Variants in GRIK2 observed in about 807,000 individuals in gnomAD.
GRIK2 encodes glutamate ionotropic receptor kainate type subunit 2, also known as glutamate receptor ionotropic, kainate 2.
Under a neutral mutation model 100.3 loss-of-function variants are expected in GRIK2, and 32 were observed. That is an observed-to-expected ratio of 0.32 (90% CI 0.24 to 0.43). The LOEUF (loss-of-function observed/expected upper bound fraction) is 0.43. Among genes scored for constraint, GRIK2 ranks in the 20% least tolerant of loss-of-function variants. The probability of loss-of-function intolerance (pLI) is 1.00; values close to 1 mark genes in which losing one functional copy is unlikely to be tolerated. For missense variants in GRIK2, 843 were observed against 1,114.9 expected (o/e 0.76, Z 3.47); for synonymous variants, 417 against 389.4 (o/e 1.07, Z -0.83).
intron 14 of GRIK2, among the ~76,000 whole-genome samples, chr6:102,005,257 C>T (rs893621966): frequency 6.7e-6 from 1 of 150,160 alleles, no homozygotes; most frequent in Non-Finnish European, 1.5e-5. Context: ...TAAATATTCA[C>T]AATATGAGAC....
intron 12 of GRIK2, among the ~76,000 whole-genome samples, chr6:101,910,257 G>A (rs1007337583): frequency 6.6e-6 from 1 of 151,036 alleles, no homozygotes; most frequent in Non-Finnish European, 1.5e-5. Context: ...ACTATTATCT[G>A]CAAGTTAAAA....
chr6:101,799,491 AG>A (rs1371074248), intron 7 of GRIK2, among the ~76,000 whole-genome samples, 156 bp from the exon 8 acceptor site: 2 of 152,264 alleles, frequency 1.3e-5, no homozygotes, highest in East Asian at 1.9e-4. Flanking sequence ...CTTGTTTAAG[AG>A]AACGAGAGCA....
chr6:101,649,568 A>C (rs1014564052), intron 4 of GRIK2, among the ~76,000 whole-genome samples: 5 of 152,160 alleles, frequency 3.3e-5, no homozygotes, highest in Non-Finnish European at 7.4e-5. Context: ...CCCAGTCTAC[A>C]TACAAGTACA....
intron 2 of GRIK2, among the ~76,000 whole-genome samples, chr6:101,521,199 G>T (rs1774866552): frequency 6.6e-6 from 1 of 151,840 alleles, no homozygotes; most frequent in Admixed American, 6.6e-5. Context: ...TTAATTTCTA[G>T]TACCTGGAAT....
intron 2 of GRIK2, among the ~76,000 whole-genome samples, chr6:101,500,874 T>G (rs1773711578): frequency 6.6e-6 from 1 of 152,058 alleles, no homozygotes; most frequent in South Asian, 2.1e-4. Flanking sequence ...GGTTTTAGTA[T>G]AAATGAATAT....
intron 16 of GRIK2, among the ~76,000 whole-genome samples, chr6:102,060,803 G>A (rs961977794): frequency 2.7e-4 from 41 of 150,522 alleles, no homozygotes; most frequent in Non-Finnish European, 2.4e-4. Context: ...AATTATAGCT[G>A]TAAAGCATAA....
At chr6:101,511,097 C>A (rs906356054) in intron 2 of GRIK2, among the ~76,000 whole-genome samples, 1 of 152,068 alleles carries the variant, frequency 6.6e-6, no homozygotes, top group African/African-American at 2.4e-5. Context: ...GCTCTAGCAC[C>A]AGGTAAATAT....
chr6:101,764,852 T>C (rs1156447476), intron 7 of GRIK2, among the ~76,000 whole-genome samples: 2 of 152,096 alleles, frequency 1.3e-5, no homozygotes, highest in Admixed American at 6.6e-5. Flanking sequence ...TATCTTCCAC[T>C]CATCCTACAG....
chr6:102,042,395 G>A (rs1164015661), intron 15 of GRIK2, among the ~76,000 whole-genome samples: 2 of 151,370 alleles, frequency 1.3e-5, no homozygotes, highest in Admixed American at 6.6e-5. Context: ...TTAGAAGAAA[G>A]ATAAGGAAAA....
At chr6:101,794,205 G>A (rs948835549) in intron 7 of GRIK2, among the ~76,000 whole-genome samples, 75 of 152,204 alleles carry the variant, frequency 4.9e-4, no homozygotes, top group African/African-American at 1.8e-3. Context: ...CGCGCACAGT[G>A]CACTGCACTG....
At chr6:101,755,933 C>T (rs1001268093) in intron 7 of GRIK2, among the ~76,000 whole-genome samples, 5 of 152,168 alleles carry the variant, frequency 3.3e-5, no homozygotes, top group Admixed American at 6.5e-5. Flanking sequence ...AGTTGTTGAA[C>T]GCCAAGACTT....
intron 7 of GRIK2, among the ~76,000 whole-genome samples, chr6:101,751,410 A>G (rs1009105493): frequency 6.6e-6 from 1 of 152,104 alleles, no homozygotes; most frequent in Non-Finnish European, 1.5e-5. Context: ...TTACTTTTCC[A>G]TTTTATATCA....
intron 1 of GRIK2, among the ~76,000 whole-genome samples, chr6:101,395,029 A>G (rs1774950519): frequency 6.6e-6 from 1 of 152,242 alleles, no homozygotes; most frequent in Non-Finnish European, 1.5e-5. Flanking sequence ...CTAAAAATTA[A>G]TCAAAACTCT....
intron 9 of GRIK2, among the ~76,000 whole-genome samples, chr6:101,813,142 TAC>T (rs771949838): frequency 5.5e-4 from 83 of 149,962 alleles, no homozygotes; most frequent in East Asian, 7.8e-4. Context: ...CATCCACATA[TAC>T]ACACACACAC....
intron 14 of GRIK2, among the ~76,000 whole-genome samples, chr6:101,937,019 C>T (rs1251121912): frequency 6.6e-6 from 1 of 152,092 alleles, no homozygotes; most frequent in African/African-American, 2.4e-5. Flanking sequence ...GGAGCAGCAA[C>T]TTTTATCTTC....
At chr6:101,597,730 C>T (rs2128308682) in intron 2 of GRIK2, among the ~76,000 whole-genome samples, 1 of 151,858 alleles carries the variant, frequency 6.6e-6, no homozygotes, top group East Asian at 1.9e-4. Context: ...CTCTGTGCCC[C>T]TGGCCTCACC....
At chr6:101,847,778 T>C (rs1229451360) in intron 10 of GRIK2, among the ~76,000 whole-genome samples, 1 of 152,116 alleles carries the variant, frequency 6.6e-6, no homozygotes, top group African/African-American at 2.4e-5. Context: ...GTTATGTGCA[T>C]GGACTGCTAG....
intron 14 of GRIK2, among the ~76,000 whole-genome samples, chr6:101,937,597 TA>T (rs1426577157): frequency 1.3e-5 from 2 of 152,092 alleles, no homozygotes; most frequent in Non-Finnish European, 2.9e-5. Context: ...ATATCTTACA[TA>T]AAAAAACTAA....
chr6:101,643,728 A>C (rs1424033553), intron 4 of GRIK2, among the ~76,000 whole-genome samples: 4 of 151,630 alleles, frequency 2.6e-5, no homozygotes, highest in African/African-American at 9.7e-5. Context: ...ATTCTATATG[A>C]AGTTTTAGCT....
Sources: gnomAD v4.1 joint callset for allele counts (sites outside exome capture counted in the v4.1 genomes callset) on GRCh38, gnomAD v4.1.1 for gene constraint, MANE v1.5 for transcripts, NCBI Gene and HGNC (gene_info 2026-07-23, HGNC 2026-07-21) for gene names.